The following ST6GAL1 variants were observed in gnomAD, a reference collection of about 807,000 sequenced individuals.
ST6GAL1 encodes the protein ST6 beta-galactoside alpha-2,6-sialyltransferase 1, also known as beta-galactoside alpha-2,6-sialyltransferase 1.
ST6GAL1 carries 20 observed loss-of-function variants against 38.0 expected under a neutral mutation model. The ratio of observed to expected loss-of-function variants is 0.53; its 90% CI spans 0.37 to 0.77. The LOEUF is 0.77. Ranked by LOEUF, ST6GAL1 falls within the 30% of genes least tolerant of loss-of-function variation. ST6GAL1 has a pLI of 0.00. For synonymous variants in ST6GAL1, 196 were observed against 188.2 expected, an observed-to-expected ratio of 1.04 and a Z score of -0.34; for missense variants, 432 against 496.4, an observed-to-expected ratio of 0.87 and a Z score of 1.23.
At chr3:186,950,501 G>A (rs1714539961) in intron 1 of ST6GAL1, among the ~76,000 whole-genome samples, 1 of 152,234 alleles carries the variant, frequency 6.6e-6, no homozygotes, top group African/African-American at 2.4e-5. Context: ...GGCCTCCTCA[G>A]AGGGAGTGGG....
intron 4 of ST6GAL1, among the ~76,000 whole-genome samples, chr3:187,044,338 G>T (rs891108064): frequency 5.9e-5 from 9 of 152,126 alleles, no homozygotes; most frequent in African/African-American, 2.2e-4. Context: ...GAGGTCATAC[G>T]TCTCCTTTTT....
chr3:186,964,007 A>C (rs1715014045), intron 2 of ST6GAL1, 81 bp downstream of exon 2: 1 of 152,370 alleles, frequency 6.6e-6, no homozygotes, highest in South Asian at 2.1e-4. Flanking sequence ...GGGCCTTCTC[A>C]GGAAAGAAGG....
At chr3:187,043,416 G>T (rs1718196469) in intron 4 of ST6GAL1, 106 bp downstream of exon 4, 5 of 1,492,296 alleles carry the variant, frequency 3.4e-6, no homozygotes, top group African/African-American at 1.4e-5. Context: ...CGGACCAGTG[G>T]AGTGGGCCCA....
intron 1 of ST6GAL1, among the ~76,000 whole-genome samples, chr3:186,934,867 C>T (rs905367465): frequency 1.4e-4 from 22 of 151,924 alleles, no homozygotes; most frequent in South Asian, 4.2e-4. Context: ...CCCGGGTTCA[C>T]GCCATTCTCC....
intron 2 of ST6GAL1, among the ~76,000 whole-genome samples, chr3:186,995,874 T>A (rs1056509739): frequency 1.3e-5 from 2 of 152,130 alleles, no homozygotes; most frequent in Non-Finnish European, 1.5e-5. Context: ...TAATAAATGC[T>A]TTTAATCAAT....
intron 2 of ST6GAL1, among the ~76,000 whole-genome samples, chr3:187,018,870 G>C (rs149704530): frequency 7.7e-4 from 117 of 152,296 alleles, no homozygotes; most frequent in African/African-American, 2.7e-3. Flanking sequence ...CCACAAACCA[G>C]AGTCCCTTGT....
intron 2 of ST6GAL1, among the ~76,000 whole-genome samples, chr3:186,970,519 G>T (rs572033259): frequency 3.3e-5 from 5 of 151,808 alleles, no homozygotes; most frequent in Admixed American, 3.3e-4. Context: ...CACTGCGCCC[G>T]GTGGATACAG....
intron 1 of ST6GAL1, among the ~76,000 whole-genome samples, chr3:186,951,371 T>C (rs74935798): frequency 1.3e-3 from 200 of 152,354 alleles, no homozygotes; most frequent in African/African-American, 4.4e-3. Flanking sequence ...TTCTTGGCCA[T>C]GACTCTTAAG....
intron 1 of ST6GAL1, among the ~76,000 whole-genome samples, chr3:186,939,352 C>T (rs1714081927): frequency 1.3e-5 from 2 of 152,096 alleles, no homozygotes; most frequent in African/African-American, 2.4e-5. Context: ...GGATTACAGG[C>T]ATAAGCCACT....
rs534532277 is a variant in ST6GAL1 at position 186,946,809 on chromosome 3, G to C, written c.-325+15975G>C. On this transcript the variant is annotated intron_variant, in intron 1 of 7. Coordinates refer to ENST00000169298, the MANE Select transcript of ST6GAL1 (RefSeq NM_173216.2). Reference sequence around the variant, plus strand: ...AAGGCACCATTAAAAACTGGTTCCTGGGGAGTGAAGAGTGGGAACGGAGAT... The same window carrying C: ...AAGGCACCATTAAAAACTGGTTCCTCGGGAGTGAAGAGTGGGAACGGAGAT... Among the ~76,000 whole-genome samples, 7 of 152,286 alleles carry C rather than the reference G, an allele frequency of 4.6e-5. No homozygotes were observed. The South Asian group carries it at 1.4e-3, about 32-fold the overall frequency.
intron 1 of ST6GAL1, among the ~76,000 whole-genome samples, chr3:186,963,058 A>G (rs1019511180): frequency 2.2e-4 from 33 of 152,312 alleles, no homozygotes; most frequent in African/African-American, 7.5e-4. Flanking sequence ...TCATTTAATT[A>G]TATTTTCTAA....
chr3:186,996,983 G>A (rs547287474), intron 2 of ST6GAL1, among the ~76,000 whole-genome samples: 2 of 152,112 alleles, frequency 1.3e-5, no homozygotes, highest in South Asian at 2.1e-4. Context: ...CACTTGGTCT[G>A]TGTGGTGGTT....
At chr3:186,961,432 A>G (rs1006517161) in intron 1 of ST6GAL1, among the ~76,000 whole-genome samples, 1 of 151,808 alleles carries the variant, frequency 6.6e-6, no homozygotes, top group South Asian at 2.1e-4. Context: ...GTATGGACGA[A>G]TTGTCTTTAA....
At chr3:186,986,912 A>G (rs1159428823) in intron 2 of ST6GAL1, among the ~76,000 whole-genome samples, 1 of 152,184 alleles carries the variant, frequency 6.6e-6, no homozygotes, top group East Asian at 1.9e-4. Flanking sequence ...CAGGAGAAAA[A>G]GAAAAACAAG....
intron 2 of ST6GAL1, among the ~76,000 whole-genome samples, chr3:187,019,113 T>C (rs3882321): frequency 1.3e-5 from 2 of 152,158 alleles, no homozygotes; most frequent in African/African-American, 4.8e-5. Flanking sequence ...TAAATTAAAG[T>C]TAGTCGACAA....
At chr3:186,982,579 G>C (rs775156793) in intron 2 of ST6GAL1, among the ~76,000 whole-genome samples, 1 of 152,146 alleles carries the variant, frequency 6.6e-6, no homozygotes, top group Non-Finnish European at 1.5e-5. Flanking sequence ...AATCAACCTT[G>C]AGCTTGAGAC....
chr3:187,024,088 T>C (rs968920620), intron 2 of ST6GAL1, among the ~76,000 whole-genome samples: 3 of 151,530 alleles, frequency 2.0e-5, no homozygotes, highest in African/African-American at 7.3e-5. Flanking sequence ...CATATATACA[T>C]GTTTTGCTTG....
Position 187,076,712 on chromosome 3 carries a change from T to A in ST6GAL1, c.*909T>A. The stretch of plus-strand genomic sequence containing the variant: ...GCAAGCAGATTACATCTGAGCCGTT[T>A]GAATTGTGTTTTTCTTTCTTCCCAT... On this transcript the variant is annotated 3_prime_UTR_variant, in exon 8 of 8. Coordinates refer to ENST00000169298, the MANE Select transcript of ST6GAL1 (RefSeq NM_173216.2). 2 of 397,830 alleles carry A rather than the reference T, an allele frequency of 5.0e-6. No individual in the cohort carries two copies. Among genetic ancestry groups the A allele is most frequent in the Non-Finnish European group, 8.9e-6 (2 of 225,988 alleles). 24.6% of individuals were successfully genotyped at this position (397,830 alleles called of 1,614,324 possible).
chr3:186,985,212 TC>T (rs898654345), intron 2 of ST6GAL1, among the ~76,000 whole-genome samples: 3 of 151,936 alleles, frequency 2.0e-5, no homozygotes, highest in Non-Finnish European at 4.4e-5. Flanking sequence ...CCTGGCCCTA[TC>T]CCCCCTTTCT....
Sources: allele counts gnomAD v4.1 joint callset (sites outside exome capture counted in the v4.1 genomes callset), GRCh38; gene constraint gnomAD v4.1.1; transcripts MANE v1.5; gene names NCBI Gene and HGNC (gene_info 2026-07-23, HGNC 2026-07-21).